Variants in SULF1 observed in about 807,000 individuals in gnomAD.
SULF1 encodes extracellular sulfatase Sulf-1.
Under a neutral mutation model 110.5 loss-of-function variants are expected in SULF1, and 46 were observed. The observed-to-expected ratio is 0.42, with a 90% confidence interval of 0.33 to 0.53. The LOEUF (loss-of-function observed/expected upper bound fraction) is 0.53, where lower values mean the gene tolerates loss of function less well. SULF1 is among the 20% of genes least tolerant of loss of function. SULF1 has a pLI of 0.12. For synonymous variants in SULF1, 371 were observed against 387.1 expected, an observed-to-expected ratio of 0.96 and a Z score of 0.49; for missense variants, 941 against 1,094.2, an observed-to-expected ratio of 0.86 and a Z score of 1.98.
At chr8:69,517,247 T>C (rs547153593) in intron 3 of SULF1, among the ~76,000 whole-genome samples, 1 of 152,218 alleles carries the variant, frequency 6.6e-6, no homozygotes, top group African/African-American at 2.4e-5. Flanking sequence ...GCCAACACAT[T>C]CCCACAATAA....
At chr8:69,525,252 A>G (rs1812578132) in intron 3 of SULF1, among the ~76,000 whole-genome samples, 1 of 152,142 alleles carries the variant, frequency 6.6e-6, no homozygotes, top group South Asian at 2.1e-4. Context: ...TTCTGCACCA[A>G]TCTGAGCTCA....
At chr8:69,610,942 C>T (rs1808603115) in intron 13 of SULF1, among the ~76,000 whole-genome samples, 1 of 152,082 alleles carries the variant, frequency 6.6e-6, no homozygotes. Flanking sequence ...ATGTGAATCC[C>T]ACTTTCTCAC....
At chr8:69,629,425 A>G in intron 18 of SULF1, 79 bp from the exon 19 acceptor site, 1 of 1,428,434 alleles carries the variant, frequency 7.0e-7, no homozygotes, top group Non-Finnish European at 9.5e-7. Context: ...ATATTTGTGC[A>G]AGACTCACAG....
At chr8:69,482,406 G>A (rs1374133754) in intron 1 of SULF1, among the ~76,000 whole-genome samples, 5 of 152,124 alleles carry the variant, frequency 3.3e-5, no homozygotes, top group Admixed American at 1.3e-4. Context: ...TATGGATCAT[G>A]CCACATAACT....
intron 3 of SULF1, among the ~76,000 whole-genome samples, chr8:69,529,773 C>G (rs1350918775): frequency 6.6e-6 from 1 of 152,164 alleles, no homozygotes; most frequent in Non-Finnish European, 1.5e-5. Context: ...TGAGTGTCCT[C>G]ACCACATGCA....
intron 13 of SULF1, among the ~76,000 whole-genome samples, chr8:69,614,482 G>T (rs1206372141): frequency 1.3e-5 from 2 of 152,244 alleles, no homozygotes; most frequent in African/African-American, 2.4e-5. Context: ...TTAAATAAAT[G>T]ATCATAATCA....
chr8:69,625,662 A>G lies in SULF1; in HGVS notation c.1850+1465A>G, dbSNP rs145147281. The stretch of plus-strand genomic sequence containing the variant: ...GGCTCGTGGTCTCGCTGGGCTCAGG[A>G]GTGAAGCTACAGATCTTCGCGGTGA... On this transcript the variant is annotated intron_variant, in intron 15 of 22. Coordinates refer to ENST00000402687, the MANE Select transcript of SULF1 (RefSeq NM_001128205.2). 5.2e-3 allele frequency among the ~76,000 whole-genome samples: 785 copies of G among 152,272 alleles called. 6 individuals are homozygous for G. The highest frequency in any genetic ancestry group is 0.018 in the African/African-American group (760 of 41,548).
intron 2 of SULF1, among the ~76,000 whole-genome samples, chr8:69,499,738 T>G (rs1810656531): frequency 6.6e-6 from 1 of 152,222 alleles, no homozygotes; most frequent in South Asian, 2.1e-4. Context: ...ATTATATGAT[T>G]ATACCACACA....
chr8:69,626,795 G>A (rs926954308), intron 15 of SULF1, among the ~76,000 whole-genome samples: 1 of 152,250 alleles, frequency 6.6e-6, no homozygotes, highest in African/African-American at 2.4e-5. Flanking sequence ...ACGCCCATCC[G>A]GAACTCCAGC....
chr8:69,555,514 G>C (rs191925940), intron 3 of SULF1, among the ~76,000 whole-genome samples: 1 of 152,076 alleles, frequency 6.6e-6, no homozygotes, highest in Non-Finnish European at 1.5e-5. Flanking sequence ...AAAATTAGCC[G>C]GGTGTGGTGG....
intron 22 of SULF1, among the ~76,000 whole-genome samples, chr8:69,642,576 TC>T (rs1211974026): frequency 6.6e-6 from 1 of 152,150 alleles, no homozygotes; most frequent in Non-Finnish European, 1.5e-5. Context: ...AGGACGATCT[TC>T]CCTGCCTCCC....
chr8:69,480,210 A>G lies in SULF1; in HGVS notation c.-391+13260A>G, dbSNP rs143644707. The stretch of plus-strand genomic sequence containing the variant: ...TATTAACCATTACGACTTCAAAACA[A>G]TTTTCACTTGCACTAAACCACTGGA... On this transcript the variant is annotated intron_variant, in intron 1 of 22. Coordinates refer to the SULF1 transcript ENST00000260128. 1.7e-3 allele frequency among the ~76,000 whole-genome samples: 256 copies of G among 152,308 alleles called. 8 individuals are homozygous for G. The South Asian group carries it at 0.05, about 30-fold the overall frequency.
chr8:69,575,714 G>A (rs985243867), intron 5 of SULF1, among the ~76,000 whole-genome samples: 1 of 152,040 alleles, frequency 6.6e-6, no homozygotes, highest in African/African-American at 2.4e-5. Flanking sequence ...TTAATTATCA[G>A]ATTAGCCTGC....
chr8:69,659,087 C>T lies in SULF1; in HGVS notation c.*552C>T, dbSNP rs1343171002. On this transcript the variant is annotated 3_prime_UTR_variant, in exon 23 of 23. Coordinates refer to ENST00000402687, the MANE Select transcript of SULF1 (RefSeq NM_001128205.2). ...AGGCTGCAGCCCATTCGCAGGCACCCGAAAGAACTTCCCCAGTATGGTGGT... is the reference window on the plus strand; with the variant it reads ...AGGCTGCAGCCCATTCGCAGGCACCTGAAAGAACTTCCCCAGTATGGTGGT... 5 of 456,828 alleles carry T rather than the reference C, an allele frequency of 1.1e-5. No homozygotes were observed. Among genetic ancestry groups the T allele is most frequent in the Non-Finnish European group, 2.2e-5 (5 of 227,036 alleles). The allele number at this position is 456,828 out of a possible 1,614,324, so 28.3% of individuals were successfully genotyped here.
chr8:69,616,774 A>G (rs1809183823), intron 13 of SULF1, among the ~76,000 whole-genome samples: 2 of 145,730 alleles, frequency 1.4e-5, no homozygotes, highest in South Asian at 4.5e-4. Context: ...GCTGGTCTTG[A>G]ACCCCTGACC....
In SULF1 at chr8:69,605,080, G is replaced by A. The variant is rs921472791; in HGVS notation, c.1377+148G>A. ...GGCAAGCTCACTGAGACACCTCTCCGCGGACAGAATTACGTAACTGGTTCA... is the reference window on the plus strand; with the variant it reads ...GGCAAGCTCACTGAGACACCTCTCCACGGACAGAATTACGTAACTGGTTCA... On this transcript the variant is annotated intron_variant, in intron 13 of 22. Coordinates refer to ENST00000402687, the MANE Select transcript of SULF1 (RefSeq NM_001128205.2). The A allele has an allele frequency of 1.4e-5, 16 of 1,123,174 alleles. 1 individual carries two copies. Among genetic ancestry groups the A allele is most frequent in the Middle Eastern group, 4.2e-4 (2 of 4,768 alleles). 69.6% of individuals were successfully genotyped at this position (1,123,174 alleles called of 1,614,324 possible). A position where few individuals can be genotyped will look rare whatever the true frequency, so the allele number is the denominator to read the frequency against.
At position 69,623,217 on chromosome 8, in the gene SULF1, T is replaced by C. The variant is rs117239380; in HGVS notation, c.1595-725T>C. Among the ~76,000 whole-genome samples the C allele has an allele frequency of 3.4e-4, 47 of 139,048 alleles. 1 individual carries two copies. The East Asian group carries it at 0.01, about 30-fold the overall frequency. 91.2% of individuals were successfully genotyped at this position (139,048 alleles called of 152,430 possible). On this transcript the variant is annotated intron_variant, in intron 14 of 22. Coordinates refer to ENST00000402687, the MANE Select transcript of SULF1 (RefSeq NM_001128205.2). ...TGATGAAAGCATTAACAAAATTTAA[T>C]TCTTCTTAGAGTAATCCTCTACTAT...
intron 8 of SULF1, among the ~76,000 whole-genome samples, chr8:69,599,991 A>G (rs531972737): frequency 6.6e-6 from 1 of 152,360 alleles, no homozygotes; most frequent in South Asian, 2.1e-4. Context: ...TTATTAAACG[A>G]ATAGCTTTAT....
chr8:69,566,887 T>C (rs1183043714), intron 5 of SULF1, among the ~76,000 whole-genome samples: 1 of 152,192 alleles, frequency 6.6e-6, no homozygotes, highest in Non-Finnish European at 1.5e-5. Context: ...ACTCTCACAG[T>C]AACTCTAGGA....
Sources: allele counts gnomAD v4.1 joint callset (sites outside exome capture counted in the v4.1 genomes callset), GRCh38; gene constraint gnomAD v4.1.1; transcripts MANE v1.5; gene names NCBI Gene and HGNC (gene_info 2026-07-23, HGNC 2026-07-21).